Variants in SMYD3 observed in about 807,000 individuals in gnomAD.
The protein encoded by SMYD3 is SET and MYND domain containing 3.
A neutral mutation model predicts 57.7 loss-of-function variants in SMYD3; 36 were observed. The observed-to-expected ratio is 0.62, with a 90% CI of 0.48 to 0.82. The LOEUF (loss-of-function observed/expected upper bound fraction) is 0.82. Ranked by LOEUF, SMYD3 falls within the 40% of genes least tolerant of loss-of-function variation. SMYD3 has a pLI of 0.00. For missense variants in SMYD3, 515 were observed against 538.8 expected, an observed-to-expected ratio of 0.96 and a Z score of 0.44; for synonymous variants, 211 against 195.0, an observed-to-expected ratio of 1.08 and a Z score of -0.68.
chr1:245,933,036 TA>T (rs1402134268), intron 5 of SMYD3, among the ~76,000 whole-genome samples: 2 of 152,216 alleles, frequency 1.3e-5, no homozygotes, highest in Non-Finnish European at 2.9e-5. Context: ...CAACAGTGGA[TA>T]TGCAGAAGCT....
intron 1 of SMYD3, among the ~76,000 whole-genome samples, chr1:246,369,099 TAAC>T (rs1026698593): frequency 6.6e-6 from 1 of 152,130 alleles, no homozygotes; most frequent in Non-Finnish European, 1.5e-5. Context: ...ATAATAATAA[TAAC>T]ATTACATGGG....
chr1:246,315,604 T>C (rs1157287026), intron 5 of SMYD3, among the ~76,000 whole-genome samples: 1 of 152,238 alleles, frequency 6.6e-6, no homozygotes, highest in Non-Finnish European at 1.5e-5. Context: ...CTTCCAGCTG[T>C]ACCAGGACAC....
intron 5 of SMYD3, among the ~76,000 whole-genome samples, chr1:246,247,127 T>C (rs965150867): frequency 3.9e-5 from 6 of 152,046 alleles, no homozygotes; most frequent in African/African-American, 1.4e-4. Context: ...TACTCTGTAG[T>C]CAGCTGTGTT....
rs1309872022 is a variant in SMYD3 at position 246,248,631 on chromosome 1, C to CTTGTTTTTTTTTTTT, written c.531+78569_531+78570insAAAAAAAAAAAACAA. Among the ~76,000 whole-genome samples the CTTGTTTTTTTTTTTT allele has an allele frequency of 6.1e-4, 73 of 119,250 alleles. 4 individuals carry two copies. The highest frequency in any genetic ancestry group is 1.1e-3 in the African/African-American group (33 of 29,304). 78.2% of individuals were successfully genotyped at this position (119,250 alleles called of 152,430 possible). A position where few individuals can be genotyped will look rare whatever the true frequency, so the allele number is the denominator to read the frequency against. ...GGCCAGTTATGCAAAAGCTCTCTGA[C>CTTGTTTTTTTTTTTT]TTTCCTTTTTTTTTTTTTTTTTTTT... On this transcript the variant is annotated intron_variant, in intron 5 of 11. Transcript: ENST00000490107.
intron 5 of SMYD3, among the ~76,000 whole-genome samples, chr1:246,223,057 A>C (rs1033772965): frequency 6.6e-6 from 1 of 152,168 alleles, no homozygotes; most frequent in African/African-American, 2.4e-5. Flanking sequence ...TTCTGAGATC[A>C]GTAATTTGTA....
chr1:246,148,375 G>A (rs551590155), intron 5 of SMYD3, among the ~76,000 whole-genome samples: 32 of 152,220 alleles, frequency 2.1e-4, no homozygotes, highest in African/African-American at 7.7e-4. Context: ...CCTCTCTGCT[G>A]AGAGCTCAAC....
intron 1 of SMYD3, among the ~76,000 whole-genome samples, chr1:246,444,001 G>C (rs1238735689): frequency 6.6e-6 from 1 of 152,044 alleles, no homozygotes; most frequent in Non-Finnish European, 1.5e-5. Context: ...CAATCAACTT[G>C]ATTCTAAAAG....
chr1:246,365,716 CTA>C (rs1164117322), intron 1 of SMYD3, among the ~76,000 whole-genome samples: 6 of 151,982 alleles, frequency 3.9e-5, no homozygotes, highest in Non-Finnish European at 2.9e-5. Context: ...GTGGAAAAAA[CTA>C]TGAGTGGTTC....
In SMYD3 at chr1:245,813,005, C is replaced by CTTTTT. The variant is rs770448717; in HGVS notation, c.1076+45486_1076+45490dup. 1.5e-4 allele frequency among the ~76,000 whole-genome samples: 11 copies of CTTTTT among 75,644 alleles called. 1 individual carries two copies. The South Asian group carries it at 1.6e-3, about 11-fold the overall frequency. The allele number at this position is 75,644 out of a possible 152,430, so 49.6% of individuals were successfully genotyped here. On this transcript the variant is annotated intron_variant, in intron 10 of 11. Transcript: ENST00000490107. The stretch of plus-strand genomic sequence containing the variant: ...TGGAGCCATGGTCATGAGACAGCTT[C>CTTTTT]TTTTTTTTTTTTTTTTTTTTTTTTT...
At chr1:245,793,855 C>T (rs1197173955) in intron 10 of SMYD3, among the ~76,000 whole-genome samples, 1 of 152,146 alleles carries the variant, frequency 6.6e-6, no homozygotes, top group Non-Finnish European at 1.5e-5. Context: ...TTCATCTGCC[C>T]TAAAGTCTAT....
intron 10 of SMYD3, among the ~76,000 whole-genome samples, chr1:245,823,775 A>C (rs895703366): frequency 6.6e-6 from 1 of 152,218 alleles, no homozygotes; most frequent in Admixed American, 6.5e-5. Context: ...CCAAATGAGG[A>C]AAGAAAATTG....
intron 8 of SMYD3, among the ~76,000 whole-genome samples, chr1:245,870,292 G>A (rs1219870448): frequency 6.6e-6 from 1 of 152,136 alleles, no homozygotes; most frequent in African/African-American, 2.4e-5. Context: ...GTGGGTATTT[G>A]TCAAATACTA....
intron 1 of SMYD3, among the ~76,000 whole-genome samples, chr1:246,421,625 T>A (rs2067144094): frequency 6.6e-6 from 1 of 152,038 alleles, no homozygotes; most frequent in Non-Finnish European, 1.5e-5. Context: ...CTAAAAACCA[T>A]CTACAATAAT....
intron 5 of SMYD3, among the ~76,000 whole-genome samples, chr1:245,996,422 T>C (rs1312561984): frequency 6.6e-6 from 1 of 152,142 alleles, no homozygotes; most frequent in African/African-American, 2.4e-5. Flanking sequence ...TGCTAATGGG[T>C]TTATATAGAA....
chr1:246,349,606 T>G (rs1322649128), intron 2 of SMYD3, among the ~76,000 whole-genome samples: 1 of 152,060 alleles, frequency 6.6e-6, no homozygotes. Context: ...AGATCCCATT[T>G]CTAAAACAAT....
chr1:245,982,751 A>G (rs919942037), intron 5 of SMYD3, among the ~76,000 whole-genome samples: 4 of 152,232 alleles, frequency 2.6e-5, no homozygotes, highest in African/African-American at 9.6e-5. Context: ...AGAATAAGCA[A>G]AAACTCAGAC....
chr1:245,826,002 A>G (rs201630199), intron 10 of SMYD3, among the ~76,000 whole-genome samples: 1 of 12,250 alleles, frequency 8.2e-5, no homozygotes, highest in Non-Finnish European at 7.7e-4. Context: ...TACATCTAGT[A>G]CCTAGCATCT....
intron 5 of SMYD3, among the ~76,000 whole-genome samples, chr1:246,235,555 CAAA>C (rs879744802): frequency 0.085 from 12,855 of 152,106 alleles, 728 homozygotes; most frequent in East Asian, 0.21. Context: ...GGTAGACAGA[CAAA>C]AAGACATGTA....
At position 246,372,383 on chromosome 1, in the gene SMYD3, CAT is replaced by C. The variant is rs149716986; in HGVS notation, c.165-17291_165-17290del. ...ATCTTTTTATTCTATTTTTTTAGCA[CAT>C]GTCTGTAGCAGCCAGAGAGTTTAAG... On this transcript the variant is annotated intron_variant, in intron 1 of 11. Coordinates refer to ENST00000490107, the MANE Select transcript of SMYD3 (RefSeq NM_001167740.2). 9.4e-3 allele frequency among the ~76,000 whole-genome samples: 1,427 copies of C among 152,266 alleles called. 26 individuals are homozygous for C. Among genetic ancestry groups the C allele is most frequent in the African/African-American group, 0.032 (1,323 of 41,538 alleles).
Sources: allele counts gnomAD v4.1 joint callset (sites outside exome capture counted in the v4.1 genomes callset), GRCh38; gene constraint gnomAD v4.1.1; transcripts MANE v1.5; gene names NCBI Gene and HGNC (gene_info 2026-07-23, HGNC 2026-07-21).